Variants in GNAS observed in about 807,000 individuals in gnomAD.
The protein encoded by GNAS is GNAS complex locus, also known as protein ALEX.
In GNAS, 8 loss-of-function variants were observed where a neutral mutation model predicts 54.5. The observed-to-expected ratio is 0.15, with a 90% CI of 0.09 to 0.26. GNAS has a LOEUF of 0.26. GNAS is among the 10% of genes least tolerant of loss of function. GNAS has a pLI of 1.00. For missense variants in GNAS, 170 were observed against 529.8 expected, an observed-to-expected ratio of 0.32 and a Z score of 6.67; for synonymous variants, 204 against 191.4, an observed-to-expected ratio of 1.07 and a Z score of -0.54.
At chr20:58,855,504 CG>C (rs1568930323) in intron 1 of GNAS, 2 of 739,510 alleles carry the variant, frequency 2.7e-6, no homozygotes, top group East Asian at 2.7e-5. Flanking sequence ...GCCCTGGGAG[CG>C]GGAGGGGATC....
intron 6 of GNAS, among the ~76,000 whole-genome samples, chr20:58,908,223 CA>C (rs1301125891): frequency 6.6e-6 from 1 of 152,100 alleles, no homozygotes; most frequent in African/African-American, 2.4e-5. Context: ...CCCCTCCCTC[CA>C]AAAAATAACT....
chr20:58,891,852 C>T lies in GNAS; in HGVS notation c.126C>T (p.Arg42=), dbSNP rs1277815386. 1 of 1,231,556 alleles carries T rather than the reference C, an allele frequency of 8.1e-7. No homozygotes were observed. The highest frequency in any genetic ancestry group is 1.1e-6 in the Non-Finnish European group (1 of 947,212). 76.3% of individuals were successfully genotyped at this position (1,231,556 alleles called of 1,614,324 possible). ...AGCAGGTCTACCGGGCCACGCACCG[C>T]CTGCTGCTGCTGGGTAAGGGCGGGC... is the stretch of plus-strand genomic sequence containing the variant. ...KDKQVYRATH[R]LLLLGAGESG... Residue 42 remains arginine (R), a synonymous_variant, in exon 1 of 13, where the codon CGC becomes CGT. Transcript: ENST00000371085.
intron 1 of GNAS, among the ~76,000 whole-genome samples, chr20:58,869,878 T>A (rs961285834): frequency 6.6e-6 from 1 of 152,202 alleles, no homozygotes; most frequent in African/African-American, 2.4e-5. Flanking sequence ...TCTGGCTTCT[T>A]TAGGCCTCGT....
intron 1 of GNAS, among the ~76,000 whole-genome samples, chr20:58,893,090 GTCC>G (rs1163148750): frequency 1.9e-3 from 55 of 28,406 alleles, no homozygotes; most frequent in African/African-American, 8.0e-3. Flanking sequence ...TTTTTTTTTT[GTCC>G]TCCTCAAGGT....
rs79335353 is a variant in GNAS at position 58,853,160 on chromosome 20, T to G, written c.43+12274T>G. 55,524 of 1,439,132 alleles carry G rather than the reference T, an allele frequency of 0.039. 2,358 individuals carry two copies. Among genetic ancestry groups the G allele is most frequent in the African/African-American group, 0.22 (15,061 of 69,606 alleles). The allele number at this position is 1,439,132 out of a possible 1,614,324, so 89.1% of individuals were successfully genotyped here. The stretch of plus-strand genomic sequence containing the variant: ...AAGTGAGGCCGGTGAACTTTCCAGC[T>G]GGTACTTTGATTTTAAAATAATAAT... On this transcript the variant is annotated intron_variant, in intron 1 of 12. Transcript: ENST00000306090. This position sits in a 1 kb window ranked among gnomAD's most constrained non-coding sequence, Gnocchi z 4.4.
intron 1 of GNAS, among the ~76,000 whole-genome samples, chr20:58,874,835 A>T (rs1231476482): frequency 2.6e-5 from 4 of 152,234 alleles, no homozygotes; most frequent in African/African-American, 9.6e-5. Context: ...GCAGATAGAG[A>T]TAGTCTATAT....
At chr20:58,849,566 T>G (rs2752944) in intron 1 of GNAS, among the ~76,000 whole-genome samples, 1 of 152,164 alleles carries the variant, frequency 6.6e-6, no homozygotes, top group Non-Finnish European at 1.5e-5. Flanking sequence ...CTGCCCAAAG[T>G]TCCTTAATCT....
chr20:58,842,917 T>G (rs2085794016), intron 1 of GNAS, among the ~76,000 whole-genome samples: 1 of 152,230 alleles, frequency 6.6e-6, no homozygotes, highest in Admixed American at 6.5e-5. Flanking sequence ...ATGAGCATGT[T>G]GCCTTGTTGC....
chr20:58,896,903 C>CA (rs1161338466), intron 2 of GNAS, among the ~76,000 whole-genome samples: 1 of 152,094 alleles, frequency 6.6e-6, no homozygotes, highest in African/African-American at 2.4e-5. Flanking sequence ...ACAAAACAAA[C>CA]AAAAAAACCT....
At position 58,854,687 on chromosome 20, in the gene GNAS, C is replaced by T. The variant is rs532475771; in HGVS notation, c.43+13801C>T. ...ATGCCGGGGCGGCCCCTGAGGCTCC[C>T]GCCGCCCCTGCGGCTGCTGAGACCC... On this transcript the variant is annotated intron_variant, in intron 1 of 12. Coordinates refer to the GNAS transcript ENST00000306090. 27 of 1,525,254 alleles carry T rather than the reference C, an allele frequency of 1.8e-5. No individual in the cohort carries two copies. The African/African-American group carries it at 3.2e-4, about 18-fold the overall frequency. 94.5% of individuals were successfully genotyped at this position (1,525,254 alleles called of 1,614,324 possible).
chr20:58,889,469 C>CAAGGCAGGG, upstream of GNAS: 2 of 440,334 alleles, frequency 4.5e-6, no homozygotes, highest in Non-Finnish European at 6.0e-6. Flanking sequence ...TGCCCCGGGG[C>CAAGGCAGGG]GCCTCCGGGC....
At chr20:58,855,159 C>T in intron 1 of GNAS, 1 of 1,612,372 alleles carries the variant, frequency 6.2e-7, no homozygotes, top group Non-Finnish European at 8.5e-7. Context: ...CAAAGCCTCG[C>T]GCTCTCTCAA....
upstream of GNAS, chr20:58,889,444 C>A: frequency 1.2e-6 from 1 of 806,824 alleles, no homozygotes; most frequent in South Asian, 5.6e-5. Context: ...CAGGGGCGCC[C>A]GGGCGCCGCT....
At chr20:58,850,880 G>T (rs1477938026) in intron 1 of GNAS, 1 of 398,638 alleles carries the variant, frequency 2.5e-6, no homozygotes, top group Non-Finnish European at 4.4e-6. Flanking sequence ...CACCTCTTCG[G>T]GCGTTCCAAC....
chr20:58,851,716 G>A (rs1031976388), intron 1 of GNAS, among the ~76,000 whole-genome samples: 24 of 152,244 alleles, frequency 1.6e-4, no homozygotes, highest in Admixed American at 1.4e-3. Flanking sequence ...GGCAACCGCC[G>A]GGTTTGTGGC....
In GNAS at chr20:58,853,740, G is replaced by A. The variant is rs1135401777; in HGVS notation, c.43+12854G>A. ...CCTGGGAGGATACAGCCCTCCACCA[G>A]AAGAAGCTATGCCCTTTGAGTTTGA... On this transcript the variant is annotated intron_variant, in intron 1 of 12. Coordinates refer to the GNAS transcript ENST00000306090. The surrounding 1 kb of genome is among the most constrained non-coding windows in gnomAD (Gnocchi z 4.4). 3 of 1,613,706 alleles carry A rather than the reference G, an allele frequency of 1.9e-6. No individual in the cohort carries two copies. Among genetic ancestry groups the A allele is most frequent in the Non-Finnish European group, 2.5e-6 (3 of 1,179,898 alleles).
At chr20:58,881,777 T>C (rs1441359931) in intron 1 of GNAS, 1 of 152,230 alleles carries the variant, frequency 6.6e-6, no homozygotes, top group Admixed American at 6.5e-5. Flanking sequence ...TTTTTATTTC[T>C]TGGTGTTAGG....
At chr20:58,852,129 C>G (rs1277782909) in intron 1 of GNAS, among the ~76,000 whole-genome samples, 3 of 151,974 alleles carry the variant, frequency 2.0e-5, no homozygotes, top group Non-Finnish European at 4.4e-5. Context: ...GCAGCTACTC[C>G]CTAGGGGGCT....
intron 1 of GNAS, among the ~76,000 whole-genome samples, chr20:58,885,292 C>T (rs568875331): frequency 8.5e-5 from 13 of 152,134 alleles, no homozygotes; most frequent in Non-Finnish European, 1.5e-4. Flanking sequence ...GGCTGCAAAA[C>T]GTCCTCTTTG....
Sources: allele counts gnomAD v4.1 joint callset (sites outside exome capture counted in the v4.1 genomes callset), GRCh38; gene constraint gnomAD v4.1.1; non-coding constraint Gnocchi (gnomAD v3.1); transcripts MANE v1.5; gene names NCBI Gene and HGNC (gene_info 2026-07-23, HGNC 2026-07-21).